Variants in ST6GALNAC3 observed in about 807,000 individuals in gnomAD.
ST6GALNAC3 encodes alpha-N-acetylgalactosaminide alpha-2,6-sialyltransferase 3.
In ST6GALNAC3, 25 loss-of-function variants were observed where a neutral mutation model predicts 32.7. The observed-to-expected ratio is 0.76, with a 90% CI of 0.56 to 1.07. The LOEUF is 1.07. Ranked by LOEUF, ST6GALNAC3 falls within the 50% of genes least tolerant of loss-of-function variation. ST6GALNAC3 has a pLI of 0.00. For missense variants in ST6GALNAC3, 355 were observed against 382.4 expected, an observed-to-expected ratio of 0.93 and a Z score of 0.60; for synonymous variants, 129 against 133.1, an observed-to-expected ratio of 0.97 and a Z score of 0.21.
At chr1:76,595,812 G>T (rs1021559103) in intron 3 of ST6GALNAC3, among the ~76,000 whole-genome samples, 1 of 152,012 alleles carries the variant, frequency 6.6e-6, no homozygotes, top group African/African-American at 2.4e-5. Context: ...AGGATATATA[G>T]ATTTGATCTC....
At chr1:76,170,079 A>G (rs1434921519) in intron 1 of ST6GALNAC3, among the ~76,000 whole-genome samples, 1 of 152,096 alleles carries the variant, frequency 6.6e-6, no homozygotes, top group Non-Finnish European at 1.5e-5. Context: ...TCAACTGACT[A>G]GCTTCATTTC....
At chr1:76,260,132 G>A (rs919758273) in intron 1 of ST6GALNAC3, among the ~76,000 whole-genome samples, 1 of 152,046 alleles carries the variant, frequency 6.6e-6, no homozygotes, top group African/African-American at 2.4e-5. Context: ...AGGAAGCCTT[G>A]GGGACCACTC....
At chr1:76,409,506 C>A (rs1225248940) in intron 2 of ST6GALNAC3, among the ~76,000 whole-genome samples, 1 of 151,602 alleles carries the variant, frequency 6.6e-6, no homozygotes, top group Admixed American at 6.6e-5. Context: ...GGAGGAAGAA[C>A]AAGCATGTTT....
intron 1 of ST6GALNAC3, among the ~76,000 whole-genome samples, chr1:76,090,258 C>A (rs1647026029): frequency 6.6e-6 from 1 of 152,198 alleles, no homozygotes; most frequent in Non-Finnish European, 1.5e-5. Context: ...TAGAACTTTT[C>A]TTTGATGTTA....
intron 3 of ST6GALNAC3, among the ~76,000 whole-genome samples, chr1:76,500,558 A>G (rs1468009383): frequency 6.6e-6 from 1 of 152,196 alleles, no homozygotes; most frequent in African/African-American, 2.4e-5. Flanking sequence ...GTCTTACTCC[A>G]AGAAATAAAG....
chr1:76,616,094 G>A (rs139255589), intron 3 of ST6GALNAC3, among the ~76,000 whole-genome samples: 2 of 152,218 alleles, frequency 1.3e-5, no homozygotes, highest in African/African-American at 4.8e-5. Context: ...CTTCTTCCAG[G>A]TACTGATTTA....
At chr1:76,548,561 C>T (rs184003538) in intron 3 of ST6GALNAC3, among the ~76,000 whole-genome samples, 8 of 152,258 alleles carry the variant, frequency 5.3e-5, no homozygotes, top group African/African-American at 1.9e-4. Flanking sequence ...GTCTTTCTTA[C>T]GTGAGGCGTT....
intron 3 of ST6GALNAC3, among the ~76,000 whole-genome samples, chr1:76,519,842 C>G (rs1486700852): frequency 6.6e-6 from 1 of 151,428 alleles, no homozygotes. Context: ...CAGCCAGTTG[C>G]TTTTATCATA....
intron 1 of ST6GALNAC3, among the ~76,000 whole-genome samples, chr1:76,229,389 G>C (rs1014409089): frequency 6.6e-6 from 1 of 152,144 alleles, no homozygotes; most frequent in Admixed American, 6.5e-5. Context: ...CCCACTTCCT[G>C]TTAGACCACC....
intron 3 of ST6GALNAC3, among the ~76,000 whole-genome samples, chr1:76,456,231 A>G (rs1657777775): frequency 6.6e-6 from 1 of 152,236 alleles, no homozygotes; most frequent in Non-Finnish European, 1.5e-5. Context: ...CCACAGTACA[A>G]TTCAGCTATA....
At position 76,335,430 on chromosome 1, in the gene ST6GALNAC3, A is replaced by AACACACAC. The variant is rs60059592; in HGVS notation, c.213+21452_213+21459dup. On this transcript the variant is annotated intron_variant, in intron 2 of 4. Coordinates refer to ENST00000328299, the MANE Select transcript of ST6GALNAC3 (RefSeq NM_152996.4). ...GACAGGATGTGATCTCATCACAGGG[A>AACACACAC]ACACACACACACACACACACACACA... Among the ~76,000 whole-genome samples, 1,133 of 145,368 alleles carry AACACACAC rather than the reference A, an allele frequency of 7.8e-3. 8 individuals carry two copies. Among genetic ancestry groups the AACACACAC allele is most frequent in the Non-Finnish European group, 0.011 (707 of 66,776 alleles).
At chr1:76,476,383 T>C (rs1025161520) in intron 3 of ST6GALNAC3, among the ~76,000 whole-genome samples, 2 of 152,184 alleles carry the variant, frequency 1.3e-5, no homozygotes, top group African/African-American at 4.8e-5. Flanking sequence ...ATTTGCCTCA[T>C]AGACTGTAGT....
At chr1:76,556,560 T>C (rs1210191496) in intron 3 of ST6GALNAC3, among the ~76,000 whole-genome samples, 3 of 152,054 alleles carry the variant, frequency 2.0e-5, no homozygotes, top group African/African-American at 7.2e-5. Flanking sequence ...TATCTATCAT[T>C]CTGATAGTAG....
At chr1:76,327,849 C>A (rs180767018) in intron 2 of ST6GALNAC3, among the ~76,000 whole-genome samples, 36 of 152,212 alleles carry the variant, frequency 2.4e-4, no homozygotes, top group African/African-American at 8.2e-4. Flanking sequence ...TTCAGCCTCT[C>A]AAAGTGTTGG....
chr1:76,456,307 T>C (rs779419662), intron 3 of ST6GALNAC3, among the ~76,000 whole-genome samples: 1 of 152,170 alleles, frequency 6.6e-6, no homozygotes, highest in Non-Finnish European at 1.5e-5. Flanking sequence ...CTGCTACAGA[T>C]TTATATGGTC....
intron 1 of ST6GALNAC3, among the ~76,000 whole-genome samples, chr1:76,118,876 G>A (rs1157251094): frequency 1.3e-5 from 2 of 152,184 alleles, no homozygotes; most frequent in African/African-American, 4.8e-5. Flanking sequence ...AGGCCGGAGT[G>A]CAGTGGTACG....
At chr1:76,342,162 A>G (rs1233952835) in intron 2 of ST6GALNAC3, among the ~76,000 whole-genome samples, 2 of 152,154 alleles carry the variant, frequency 1.3e-5, no homozygotes, top group African/African-American at 4.8e-5. Flanking sequence ...TAGTGCTGCA[A>G]TAAACATACG....
intron 2 of ST6GALNAC3, among the ~76,000 whole-genome samples, chr1:76,385,185 G>T (rs1215836393): frequency 6.6e-6 from 1 of 152,060 alleles, no homozygotes; most frequent in African/African-American, 2.4e-5. Flanking sequence ...GGTAAAGAAA[G>T]ATGGGCAAAC....
intron 2 of ST6GALNAC3, among the ~76,000 whole-genome samples, chr1:76,325,033 C>T (rs1022402248): frequency 6.6e-6 from 1 of 152,012 alleles, no homozygotes; most frequent in Non-Finnish European, 1.5e-5. Flanking sequence ...TGTACTCACT[C>T]ATAGGTGGGA....
Sources: allele counts gnomAD v4.1 joint callset (sites outside exome capture counted in the v4.1 genomes callset), GRCh38; gene constraint gnomAD v4.1.1; transcripts MANE v1.5; gene names NCBI Gene and HGNC (gene_info 2026-07-23, HGNC 2026-07-21).